The following TRMT9B variants were observed in gnomAD, a reference collection of about 807,000 sequenced individuals.
TRMT9B encodes tRNA methyltransferase 9B (putative).
TRMT9B carries 16 observed loss-of-function variants against 11.5 expected under a neutral mutation model. The ratio of observed to expected loss-of-function variants is 1.39; its 90% CI spans 0.94 to 2.11. The LOEUF (loss-of-function observed/expected upper bound fraction) is 2.11. Ranked by LOEUF, TRMT9B falls within the 30% of genes most tolerant of loss-of-function variation. The pLI is 0.00. For synonymous variants in TRMT9B, 274 were observed against 192.4 expected (o/e 1.42, Z -3.51); for missense variants, 941 against 553.8 (o/e 1.70, Z -7.02).
In TRMT9B at chr8:12,997,012, A is replaced by G. The variant is rs958719272; in HGVS notation, c.-2+5981A>G. On this transcript the variant is annotated intron_variant, in intron 2 of 4. Transcript: ENST00000524591. ...TTTATTTTATTTTATTTTATTTTTTATTTTCTTTGATCTATCTATGGGCTC... is the reference window on the plus strand; with the variant it reads ...TTTATTTTATTTTATTTTATTTTTTGTTTTCTTTGATCTATCTATGGGCTC... Among the ~76,000 whole-genome samples the G allele has an allele frequency of 4.0e-5, 5 of 124,692 alleles. 1 individual carries two copies. In the Admixed American group the frequency reaches 4.1e-4, roughly 10 times the overall value. The allele number at this position is 124,692 out of a possible 152,430, so 81.8% of individuals were successfully genotyped here.
intron 1 of TRMT9B, among the ~76,000 whole-genome samples, chr8:12,988,689 A>C (rs554873197): frequency 6.6e-6 from 1 of 152,198 alleles, no homozygotes; most frequent in Admixed American, 6.5e-5. Flanking sequence ...AACCACCCCT[A>C]TGATTCAATT....
At chr8:13,000,359 T>A (rs1197904322) in intron 2 of TRMT9B, among the ~76,000 whole-genome samples, 2 of 152,188 alleles carry the variant, frequency 1.3e-5, no homozygotes, top group East Asian at 1.9e-4. Flanking sequence ...GAATTGCCAA[T>A]GTCCTTCTCT....
At position 13,021,727 on chromosome 8, in the gene TRMT9B, C is replaced by T. The variant is rs373364904; in HGVS notation, c.1048C>T (p.Leu350=). 36 of 1,613,782 alleles carry T rather than the reference C, an allele frequency of 2.2e-5. No individual in the cohort carries two copies. The highest frequency in any genetic ancestry group is 2.8e-5 in the Non-Finnish European group (33 of 1,179,880). The change falls in exon 5 of 5, where the codon CTG becomes TTG. Residue 350 remains leucine, a synonymous_variant. Coordinates refer to ENST00000524591, the MANE Select transcript of TRMT9B (RefSeq NM_020844.3). ...EMRRNGGGNF[L]DSTNTGVNCV... is the part of the protein sequence containing the mutation. ...GAGGAGAAATGGAGGGGGAAATTTT[C>T]TGGATAGCACTAATACTGGTGTGAA...
chr8:13,016,153 TGAAAATCA>T (rs1812618858), intron 4 of TRMT9B, among the ~76,000 whole-genome samples: 1 of 104,440 alleles, frequency 9.6e-6, no homozygotes, highest in Non-Finnish European at 1.9e-5. Flanking sequence ...ACCCTGTACC[TGAAAATCA>T]TATATATAAA....
At chr8:12,950,741 G>A (rs1317280481) in intron 1 of TRMT9B, among the ~76,000 whole-genome samples, 1 of 152,080 alleles carries the variant, frequency 6.6e-6, no homozygotes, top group Non-Finnish European at 1.5e-5. Context: ...CCTCTTAGTA[G>A]CACCTGAAAT....
At chr8:12,962,601 G>T (rs2946494) in intron 1 of TRMT9B, among the ~76,000 whole-genome samples, 1 of 151,722 alleles carries the variant, frequency 6.6e-6, no homozygotes, top group Non-Finnish European at 1.5e-5. Context: ...AGCGATCCTC[G>T]TACCTCAGCC....
intron 2 of TRMT9B, among the ~76,000 whole-genome samples, chr8:12,992,240 A>C (rs12677379): frequency 1.3e-5 from 2 of 152,014 alleles, no homozygotes; most frequent in Non-Finnish European, 2.9e-5. Flanking sequence ...AAAACATCAC[A>C]TTTCCATCTC....
intron 2 of TRMT9B, among the ~76,000 whole-genome samples, chr8:12,992,560 C>A (rs1408895910): frequency 6.6e-6 from 1 of 151,936 alleles, no homozygotes; most frequent in Non-Finnish European, 1.5e-5. Context: ...TTCATTTAAA[C>A]AGCATCATTG....
At chr8:12,991,557 T>G (rs139623949) in intron 2 of TRMT9B, among the ~76,000 whole-genome samples, 2 of 152,360 alleles carry the variant, frequency 1.3e-5, no homozygotes, top group East Asian at 1.9e-4. Flanking sequence ...TCTGTGGCAT[T>G]TATAATAGGA....
intron 4 of TRMT9B, 30 bp downstream of exon 4, chr8:13,012,887 T>G: frequency 6.2e-7 from 1 of 1,608,230 alleles, no homozygotes; most frequent in Non-Finnish European, 8.5e-7. Flanking sequence ...CATTCACCCT[T>G]TGCCATGAGA....
At chr8:12,959,481 TCTCC>T in intron 1 of TRMT9B, among the ~76,000 whole-genome samples, 1 of 51,790 alleles carries the variant, frequency 1.9e-5, no homozygotes, top group South Asian at 8.0e-4. Context: ...TGTATTTTCC[TCTCC>T]TCTCCTCTCC....
At chr8:12,950,579 T>G (rs978306151) in intron 1 of TRMT9B, among the ~76,000 whole-genome samples, 15 of 144,280 alleles carry the variant, frequency 1.0e-4, no homozygotes, top group African/African-American at 3.2e-4. Flanking sequence ...ATGTGAGGCC[T>G]TTACAGAAAA....
chr8:13,022,162 C>T lies in TRMT9B; in HGVS notation c.*118C>T, dbSNP rs1011689069. ...GTTAATCCATTTACGCTTTGGTCTG[C>T]AGAGACTATTAATTATTTGGTTGTT... is the stretch of plus-strand genomic sequence containing the variant. On this transcript the variant is annotated 3_prime_UTR_variant, in exon 5 of 5. Coordinates refer to ENST00000524591, the MANE Select transcript of TRMT9B (RefSeq NM_020844.3). The T allele has an allele frequency of 1.4e-6, 1 of 705,486 alleles. No homozygotes were observed. Among genetic ancestry groups the T allele is most frequent in the Non-Finnish European group, 2.3e-6 (1 of 440,986 alleles). 43.7% of individuals were successfully genotyped at this position (705,486 alleles called of 1,614,324 possible).
intron 1 of TRMT9B, among the ~76,000 whole-genome samples, chr8:12,979,428 A>G (rs1215571680): frequency 6.6e-6 from 1 of 152,168 alleles, no homozygotes; most frequent in Non-Finnish European, 1.5e-5. Flanking sequence ...GTGAGCCAAT[A>G]TCATGCCACT....
chr8:13,019,805 T>G (rs1813471223), intron 4 of TRMT9B, among the ~76,000 whole-genome samples: 1 of 152,164 alleles, frequency 6.6e-6, no homozygotes, highest in African/African-American at 2.4e-5. Context: ...GAGTGATTGT[T>G]TAAAGATCAC....
At chr8:12,952,604 TTTAA>T in intron 1 of TRMT9B, 1 of 800,814 alleles carries the variant, frequency 1.2e-6, no homozygotes, top group Non-Finnish European at 1.5e-6. Context: ...GGAACTGATT[TTTAA>T]TTAGTAAGAG....
At chr8:12,972,008 T>TTA (rs1803708785) in intron 1 of TRMT9B, among the ~76,000 whole-genome samples, 1 of 152,238 alleles carries the variant, frequency 6.6e-6, no homozygotes, top group Non-Finnish European at 1.5e-5. Flanking sequence ...AACTCTTTAT[T>TTA]GTTTTCATGT....
intron 2 of TRMT9B, among the ~76,000 whole-genome samples, chr8:12,994,813 C>T (rs1808043306): frequency 6.6e-6 from 1 of 152,132 alleles, no homozygotes; most frequent in African/African-American, 2.4e-5. Context: ...TCCTGAGTAC[C>T]TAGGATTATA....
At chr8:12,960,045 C>G (rs1279420311) in intron 1 of TRMT9B, 1 of 152,196 alleles carries the variant, frequency 6.6e-6, no homozygotes, top group Non-Finnish European at 1.5e-5. Flanking sequence ...GTGGAGACAT[C>G]AAATTGCAAC....
Sources: gnomAD v4.1 joint callset for allele counts (sites outside exome capture counted in the v4.1 genomes callset) on GRCh38, gnomAD v4.1.1 for gene constraint, MANE v1.5 for transcripts, NCBI Gene and HGNC (gene_info 2026-07-23, HGNC 2026-07-21) for gene names.